Variants in HHIP observed in about 807,000 individuals in gnomAD.
The protein encoded by HHIP is hedgehog interacting protein, also known as hedgehog-interacting protein.
In HHIP, 12 loss-of-function variants were observed where a neutral mutation model predicts 74.0. The observed-to-expected ratio is 0.16, with a 90% CI of 0.10 to 0.26. HHIP has a LOEUF of 0.26. Ranked by LOEUF, HHIP falls within the 10% of genes least tolerant of loss-of-function variation. The pLI is 1.00. For synonymous variants in HHIP, 309 were observed against 311.6 expected (o/e 0.99, Z 0.09); for missense variants, 788 against 845.0 (o/e 0.93, Z 0.84).
intron 4 of HHIP, among the ~76,000 whole-genome samples, chr4:144,687,751 C>CTTT (rs5862719): frequency 1.5e-4 from 11 of 73,440 alleles, no homozygotes; most frequent in South Asian, 7.8e-4. Context: ...CTTTTGGCAA[C>CTTT]TTTTTTTTTT....
chr4:144,699,164 G>A (rs1729907730), intron 4 of HHIP, among the ~76,000 whole-genome samples: 1 of 152,152 alleles, frequency 6.6e-6, no homozygotes, highest in African/African-American at 2.4e-5. Context: ...AACCACAAAT[G>A]GGATGCCCAT....
chr4:144,651,328 T>A (rs1325071707), intron 1 of HHIP, among the ~76,000 whole-genome samples: 1 of 152,100 alleles, frequency 6.6e-6, no homozygotes, highest in Non-Finnish European at 1.5e-5. Context: ...CAAAATATGA[T>A]AACTTCTATT....
intron 4 of HHIP, 151 bp downstream of exon 4, chr4:144,659,989 C>A (rs1477153936): frequency 1.6e-6 from 1 of 612,484 alleles, no homozygotes; most frequent in East Asian, 2.8e-5. Context: ...AATTATGGCA[C>A]CTGAATTAGG....
intron 10 of HHIP, among the ~76,000 whole-genome samples, chr4:144,716,799 A>T (rs2126667719): frequency 7.2e-6 from 1 of 138,848 alleles, no homozygotes; most frequent in Non-Finnish European, 1.5e-5. Flanking sequence ...CAGTGAGCCA[A>T]GATCGCACCA....
intron 4 of HHIP, among the ~76,000 whole-genome samples, chr4:144,701,883 A>G (rs1448481458): frequency 6.6e-6 from 1 of 152,260 alleles, no homozygotes; most frequent in African/African-American, 2.4e-5. Flanking sequence ...GCAAATTTAA[A>G]GCAAAAACAG....
chr4:144,681,408 G>A (rs1056476783), intron 4 of HHIP, among the ~76,000 whole-genome samples: 2 of 148,494 alleles, frequency 1.3e-5, no homozygotes, highest in African/African-American at 2.5e-5. Flanking sequence ...AAAGTCTATC[G>A]GATTGCAGAG....
At chr4:144,660,883 G>A (rs1002084849) in intron 4 of HHIP, among the ~76,000 whole-genome samples, 1 of 152,234 alleles carries the variant, frequency 6.6e-6, no homozygotes, top group Admixed American at 6.5e-5. Context: ...GCATTACTGA[G>A]TTGAAGATTA....
At chr4:144,700,176 G>A (rs75686861) in intron 4 of HHIP, among the ~76,000 whole-genome samples, 9,527 of 152,114 alleles carry the variant, frequency 0.063, 410 homozygotes, top group Non-Finnish European at 0.093. Context: ...GTTTCACTTC[G>A]TTTTGAAGAA....
chr4:144,744,814 T>C lies in HHIP; in HGVS notation c.*6857T>C, dbSNP rs1438139455. ...GGGCCCAATCGGCATCATAAGCATG[T>C]CTGAAGCAAAAGACAATAATCACAT... On this transcript the variant is annotated 3_prime_UTR_variant, in exon 13 of 13. Coordinates refer to ENST00000296575, the MANE Select transcript of HHIP (RefSeq NM_022475.3). 6.6e-6 allele frequency: 1 copy of C among 152,124 alleles called. No individual in the cohort carries two copies. Among genetic ancestry groups the C allele is most frequent in the East Asian group, 1.9e-4 (1 of 5,196 alleles). 9.4% of individuals were successfully genotyped at this position (152,124 alleles called of 1,614,324 possible).
chr4:144,682,151 G>A (rs936644039), intron 4 of HHIP, among the ~76,000 whole-genome samples: 2 of 152,186 alleles, frequency 1.3e-5, no homozygotes, highest in African/African-American at 4.8e-5. Flanking sequence ...AGAAATATGG[G>A]GGACATAGAA....
intron 4 of HHIP, among the ~76,000 whole-genome samples, chr4:144,696,192 T>C (rs1255893167): frequency 6.6e-6 from 1 of 151,918 alleles, no homozygotes; most frequent in Admixed American, 6.6e-5. Context: ...CCTTATGTGA[T>C]AGATTTAAGA....
intron 2 of HHIP, among the ~76,000 whole-genome samples, 181 bp downstream of exon 2, chr4:144,652,978 A>G (rs886179831): frequency 4.6e-5 from 7 of 152,142 alleles, no homozygotes; most frequent in African/African-American, 2.4e-5. Flanking sequence ...GGAATATTGT[A>G]ATTTCAGTCT....
At chr4:144,711,818 A>T in intron 7 of HHIP, 132 bp from the exon 8 acceptor site, 1 of 750,916 alleles carries the variant, frequency 1.3e-6, no homozygotes, top group Non-Finnish European at 2.1e-6. Flanking sequence ...AGTGCTTTCT[A>T]GAAGATCCAA....
Position 144,742,971 on chromosome 4 carries a change from G to GTA in HHIP, c.*5025_*5026dup, listed in dbSNP as rs1327649541. 3 of 2,756 alleles carry GTA rather than the reference G, an allele frequency of 1.1e-3. No homozygotes were observed. Among genetic ancestry groups the GTA allele is most frequent in the African/African-American group, 1.8e-3 (3 of 1,690 alleles). The allele number at this position is 2,756 out of a possible 1,614,324, so 0.2% of individuals were successfully genotyped here. A position where few individuals can be genotyped will look rare whatever the true frequency, so the allele number is the denominator to read the frequency against. On this transcript the variant is annotated 3_prime_UTR_variant, in exon 13 of 13. Transcript: ENST00000296575. ...TATATCTTATACATATAAGATATAT[G>GTA]TATATATATATACATTATATATATA...
chr4:144,730,697 T>C (rs1047210363), intron 11 of HHIP, among the ~76,000 whole-genome samples: 2 of 152,154 alleles, frequency 1.3e-5, no homozygotes, highest in African/African-American at 4.8e-5. Context: ...TACTTAAGTA[T>C]ATGTAAGATG....
intron 4 of HHIP, among the ~76,000 whole-genome samples, chr4:144,687,287 CA>C (rs1361892364): frequency 1.3e-5 from 2 of 152,106 alleles, no homozygotes; most frequent in African/African-American, 4.8e-5. Flanking sequence ...TTTTGGAGTA[CA>C]GGAGTGACTC....
At chr4:144,703,843 AC>A (rs1730056817) in intron 4 of HHIP, among the ~76,000 whole-genome samples, 1 of 152,152 alleles carries the variant, frequency 6.6e-6, no homozygotes, top group Non-Finnish European at 1.5e-5. Context: ...CCTCTAACTG[AC>A]CCTGGTCTAA....
rs1728498597 is a variant in HHIP at position 144,654,131 on chromosome 4, C to T, written c.472+1334C>T. ...CATTATCTACTTTAGATAACTACAA[C>T]ATGCTAGATTTGGGGACTTAACTGT... On this transcript the variant is annotated intron_variant, in intron 2 of 12. Coordinates refer to ENST00000296575, the MANE Select transcript of HHIP (RefSeq NM_022475.3). Among the ~76,000 whole-genome samples the T allele has an allele frequency of 2.0e-5, 3 of 152,106 alleles. No individual in the cohort carries two copies. The South Asian group carries it at 6.2e-4, about 31-fold the overall frequency.
At chr4:144,689,649 CATT>C (rs1346686071) in intron 4 of HHIP, among the ~76,000 whole-genome samples, 1 of 152,078 alleles carries the variant, frequency 6.6e-6, no homozygotes, top group Non-Finnish European at 1.5e-5. Context: ...TTTTATAGAC[CATT>C]ATTTGTTACT....
Sources: gnomAD v4.1 joint callset for allele counts (sites outside exome capture counted in the v4.1 genomes callset) on GRCh38, gnomAD v4.1.1 for gene constraint, MANE v1.5 for transcripts, NCBI Gene and HGNC (gene_info 2026-07-23, HGNC 2026-07-21) for gene names.